The following TMEM71 variants were observed in gnomAD, a reference collection of about 807,000 sequenced individuals.
TMEM71 encodes transmembrane protein 71.
Under a neutral mutation model 38.0 loss-of-function variants are expected in TMEM71, and 44 were observed. That is an observed-to-expected ratio of 1.16 (90% CI 0.91 to 1.49). The LOEUF is 1.49. Among genes scored for constraint, TMEM71 ranks in the 40% most tolerant of loss-of-function variants. The pLI, the probability that TMEM71 is intolerant of heterozygous loss-of-function variation, is 0.00. For missense variants in TMEM71, 367 were observed against 348.6 expected (o/e 1.05, Z -0.42); for synonymous variants, 133 against 122.5 (o/e 1.09, Z -0.56).
upstream of TMEM71, among the ~76,000 whole-genome samples, chr8:132,762,280 T>C (rs1212160999): frequency 6.6e-6 from 1 of 152,230 alleles, no homozygotes; most frequent in Non-Finnish European, 1.5e-5. Context: ...AGCTGTCTGG[T>C]ATTCTCTTTA....
intron 5 of TMEM71, among the ~76,000 whole-genome samples, chr8:132,728,298 G>A (rs1305137378): frequency 6.6e-6 from 1 of 152,160 alleles, no homozygotes; most frequent in Non-Finnish European, 1.5e-5. Context: ...AGGCAAGGAG[G>A]AGCAAAGTCA....
At chr8:132,711,915 G>A (rs1280257859) in intron 9 of TMEM71, among the ~76,000 whole-genome samples, 1 of 151,968 alleles carries the variant, frequency 6.6e-6, no homozygotes. Context: ...ATTGTTAGAG[G>A]AGACTTATGA....
At position 132,758,870 on chromosome 8, in the gene TMEM71, T is replaced by C; in HGVS notation, c.10A>G (p.Ile4Val). The C allele has an allele frequency of 1.2e-6, 2 of 1,613,892 alleles. No homozygotes were observed. Among genetic ancestry groups the C allele is most frequent in the African/African-American group, 1.3e-5 (1 of 75,010 alleles). MYR[I>V]SQLMSTPVAS... ...ACTGGTGTTGACATCAGTTGAGATA[T>C]TCGGTACATCTTGGGAAGGCCGCTT... Residue 4 changes from isoleucine to valine, a missense_variant, in exon 2 of 10, where the codon ATA becomes GTA. Ile to Val is a conservative substitution (Grantham distance 29). Coordinates refer to ENST00000677595, the MANE Select transcript of TMEM71 (RefSeq NM_001382403.1).
intron 4 of TMEM71, among the ~76,000 whole-genome samples, chr8:132,747,793 A>G (rs1238595948): frequency 6.6e-6 from 1 of 152,244 alleles, no homozygotes; most frequent in African/African-American, 2.4e-5. Context: ...ATGCCAAGAA[A>G]TGAAGCTGGA....
rs894441660 is a variant in TMEM71, at chr8:132,715,177, C to T, written c.753-962G>A. ...ATCCCAGCACTTTGGGAGGCCGAGGCGGGCGGATCACGAGGTCAGGAGATT... is the reference window on the plus strand; with the variant it reads ...ATCCCAGCACTTTGGGAGGCCGAGGTGGGCGGATCACGAGGTCAGGAGATT... On this transcript the variant is annotated intron_variant, in intron 7 of 9. Coordinates refer to ENST00000677595, the MANE Select transcript of TMEM71 (RefSeq NM_001382403.1). Among the ~76,000 whole-genome samples, 5 of 151,628 alleles carry T rather than the reference C, an allele frequency of 3.3e-5. No homozygotes were observed. The East Asian group carries it at 5.8e-4, about 18-fold the overall frequency.
Position 132,746,440 on chromosome 8 carries a change from C to CATATAT in TMEM71, c.487+501_487+502insATATAT, listed in dbSNP as rs1554619177. On this transcript the variant is annotated intron_variant, in intron 5 of 9. Transcript: ENST00000677595. ...ACACATATATATACATATATATATA[C>CATATAT]ATATACATATACATATATATATACA... Among the ~76,000 whole-genome samples, 46 of 15,026 alleles carry CATATAT rather than the reference C, an allele frequency of 3.1e-3. 1 individual carries two copies. The highest frequency in any genetic ancestry group is 0.02 in the South Asian group (5 of 246). The allele number at this position is 15,026 out of a possible 152,430, so 9.9% of individuals were successfully genotyped here.
chr8:132,729,610 T>A (rs1381728676), intron 5 of TMEM71, among the ~76,000 whole-genome samples: 1 of 152,076 alleles, frequency 6.6e-6, no homozygotes, highest in Non-Finnish European at 1.5e-5. Context: ...AAGAAGGAAA[T>A]ATTCCCAAAG....
At chr8:132,772,021 T>C in the TMEM71 span, among the ~76,000 whole-genome samples, 1 of 152,232 alleles carries the variant, frequency 6.6e-6, no homozygotes, top group African/African-American at 2.4e-5. Context: ...CACAGTAGTT[T>C]ACGTTTCTGC....
At chr8:132,725,787 C>T (rs1000683219) in intron 6 of TMEM71, among the ~76,000 whole-genome samples, 5 of 152,104 alleles carry the variant, frequency 3.3e-5, no homozygotes, top group African/African-American at 4.8e-5. Flanking sequence ...AGAGAAGGTG[C>T]ATAGAGGTGG....
chr8:132,748,237 G>A (rs984868660), intron 4 of TMEM71, among the ~76,000 whole-genome samples: 1 of 152,186 alleles, frequency 6.6e-6, no homozygotes, highest in African/African-American at 2.4e-5. Context: ...GCTTTCCCTT[G>A]GTGGTTAAGA....
intron 7 of TMEM71, among the ~76,000 whole-genome samples, chr8:132,719,823 A>G (rs897329052): frequency 6.6e-6 from 1 of 152,202 alleles, no homozygotes; most frequent in Non-Finnish European, 1.5e-5. Context: ...ATGGTAATGT[A>G]CCAACACTGG....
intron 6 of TMEM71, among the ~76,000 whole-genome samples, chr8:132,725,062 A>G (rs1827066947): frequency 6.9e-6 from 1 of 145,304 alleles, no homozygotes; most frequent in Admixed American, 6.9e-5. Context: ...TTTTTTTAAC[A>G]GGGTCTCACT....
intron 7 of TMEM71, 30 bp from the exon 8 acceptor site, chr8:132,714,245 A>G (rs376231775): frequency 1.3e-6 from 2 of 1,554,394 alleles, no homozygotes; most frequent in Non-Finnish European, 1.8e-6. Flanking sequence ...CTGATTTAGC[A>G]TACTAATTGT....
chr8:132,733,377 A>G (rs1205722588), intron 5 of TMEM71, among the ~76,000 whole-genome samples: 2 of 152,216 alleles, frequency 1.3e-5, no homozygotes, highest in South Asian at 4.2e-4. Flanking sequence ...ATAACAGGGT[A>G]CAGTAACTAT....
At chr8:132,716,312 C>A (rs550472955) in intron 7 of TMEM71, among the ~76,000 whole-genome samples, 2 of 152,198 alleles carry the variant, frequency 1.3e-5, no homozygotes, top group Admixed American at 6.5e-5. Context: ...TTTGCTCACA[C>A]GCCCCTCACC....
intron 6 of TMEM71, 51 bp downstream of exon 6, chr8:132,727,747 G>A: frequency 6.7e-7 from 1 of 1,484,318 alleles, no homozygotes; most frequent in Non-Finnish European, 9.1e-7. Context: ...CTCAGGCTCT[G>A]AAAGGAAGAA....
intron 4 of TMEM71, among the ~76,000 whole-genome samples, chr8:132,748,546 A>C (rs976185828): frequency 6.6e-6 from 1 of 152,238 alleles, no homozygotes; most frequent in African/African-American, 2.4e-5. Context: ...AAGTTGAGAA[A>C]AATGGTAGAG....
chr8:132,735,954 A>G (rs1213950422), intron 5 of TMEM71, among the ~76,000 whole-genome samples: 1 of 152,250 alleles, frequency 6.6e-6, no homozygotes, highest in Non-Finnish European at 1.5e-5. Context: ...TACAATGGAA[A>G]ATGTAACCTT....
At chr8:132,747,302 A>C (rs1828445073) in intron 4 of TMEM71, among the ~76,000 whole-genome samples, 188 bp from the exon 5 acceptor site, 1 of 152,234 alleles carries the variant, frequency 6.6e-6, no homozygotes, top group African/African-American at 2.4e-5. Flanking sequence ...GGTAAAAGAC[A>C]AAACTTTGTG....
Sources: gnomAD v4.1 joint callset for allele counts (sites outside exome capture counted in the v4.1 genomes callset) on GRCh38, gnomAD v4.1.1 for gene constraint, MANE v1.5 for transcripts, NCBI Gene and HGNC (gene_info 2026-07-23, HGNC 2026-07-21) for gene names.